The following TRPA1 variants were observed in gnomAD, a reference collection of about 807,000 sequenced individuals.
TRPA1 encodes the protein ankyrin-like with transmembrane domains 1.
A neutral mutation model predicts 131.3 loss-of-function variants in TRPA1; 129 were observed. The observed-to-expected ratio is 0.98, with a 90% CI of 0.85 to 1.14. The LOEUF is 1.14. TRPA1 is among the 50% of genes most tolerant of loss of function. TRPA1 has a pLI of 0.00. For missense variants in TRPA1, 1,304 were observed against 1,354.2 expected, an observed-to-expected ratio of 0.96 and a Z score of 0.58; for synonymous variants, 441 against 451.7, an observed-to-expected ratio of 0.98 and a Z score of 0.30.
chr8:72,072,398 T>C (rs1421154738), intron 1 of TRPA1, among the ~76,000 whole-genome samples: 1 of 152,230 alleles, frequency 6.6e-6, no homozygotes, highest in Non-Finnish European at 1.5e-5. Flanking sequence ...GTTGGAATAA[T>C]AAAACTTAAT....
chr8:72,061,201 A>G (rs1805800497), intron 7 of TRPA1, among the ~76,000 whole-genome samples: 1 of 152,106 alleles, frequency 6.6e-6, no homozygotes, highest in Admixed American at 6.6e-5. Context: ...ATTTATCTAT[A>G]ATTGTTGGTG....
chr8:72,069,340 C>T (rs1806003966), intron 2 of TRPA1, 142 bp from the exon 3 acceptor site: 2 of 812,714 alleles, frequency 2.5e-6, no homozygotes, highest in Non-Finnish European at 4.1e-6. Context: ...AACACAGCTT[C>T]AGTTCTAACG....
chr8:72,055,891 G>A (rs1350854507), intron 10 of TRPA1, 36 bp from the exon 11 acceptor site: 2 of 1,599,200 alleles, frequency 1.3e-6, no homozygotes, highest in South Asian at 2.2e-5. Context: ...AAATAACTCT[G>A]CTATTATGCT....
rs1811440883 is a variant in TRPA1 at position 72,022,762 on chromosome 8, T to G, written c.*144A>C. On this transcript the variant is annotated 3_prime_UTR_variant, in exon 27 of 27. Coordinates refer to ENST00000262209, the MANE Select transcript of TRPA1 (RefSeq NM_007332.3). Reference sequence around the variant, plus strand: ...ATATGAATAGAGGATAAAAGATGGTTTACTTTTATACAGCATGCAGGAACC... The same window carrying G: ...ATATGAATAGAGGATAAAAGATGGTGTACTTTTATACAGCATGCAGGAACC... 17 of 756,224 alleles carry G rather than the reference T, an allele frequency of 2.2e-5. No homozygotes were observed. Among genetic ancestry groups the G allele is most frequent in the South Asian group, 1.1e-4 (7 of 65,424 alleles). 46.8% of individuals were successfully genotyped at this position (756,224 alleles called of 1,614,324 possible). A position where few individuals can be genotyped will look rare whatever the true frequency, so the allele number is the denominator to read the frequency against.
chr8:72,077,290 TGGG>T (rs71265967), upstream of TRPA1, among the ~76,000 whole-genome samples: 22 of 133,040 alleles, frequency 1.7e-4, no homozygotes, highest in South Asian at 7.5e-4. Flanking sequence ...GTGACAGGGG[TGGG>T]GGGGGGGGCA....
At chr8:72,079,477 AACTGCCTTCAAAC>A (rs1461989596), upstream of TRPA1, among the ~76,000 whole-genome samples, 1 of 151,974 alleles carries the variant, frequency 6.6e-6, no homozygotes, top group African/African-American at 2.4e-5. Flanking sequence ...TCCCTCATAG[AACTGCCTTCAAAC>A]CATTGTCAAA....
chr8:72,021,583 A>G lies in TRPA1; in HGVS notation c.*1323T>C, dbSNP rs1396053559. 1 of 152,136 alleles carries G rather than the reference A, an allele frequency of 6.6e-6. No homozygotes were observed. The highest frequency in any genetic ancestry group is 1.9e-4 in the East Asian group (1 of 5,178). The allele number at this position is 152,136 out of a possible 1,614,324, so 9.4% of individuals were successfully genotyped here. ...TAAAAGTGTCTGGTTTTGTAATAGTACATATCGTCCCTCAGCACTCTGCTG... is the reference window on the plus strand; with the variant it reads ...TAAAAGTGTCTGGTTTTGTAATAGTGCATATCGTCCCTCAGCACTCTGCTG... On this transcript the variant is annotated 3_prime_UTR_variant, in exon 27 of 27. Transcript: ENST00000262209.
chr8:72,058,685 T>C (rs1805733539), intron 8 of TRPA1, among the ~76,000 whole-genome samples: 1 of 152,144 alleles, frequency 6.6e-6, no homozygotes, highest in Non-Finnish European at 1.5e-5. Flanking sequence ...ATATAATGCA[T>C]AGTTTATGGC....
Position 72,047,168 on chromosome 8 carries a change from TGTC to T in TRPA1, c.1942_1944del (p.Asp648del). On this transcript the variant is annotated inframe_deletion, in exon 16 of 27. Coordinates refer to ENST00000262209, the MANE Select transcript of TRPA1 (RefSeq NM_007332.3). ...CTTACATAATAGTCTCGGCAGGACT[TGTC>T]TTCTGTGGAATGCAACATGCAGAAA... 6.2e-7 allele frequency: 1 copy of T among 1,610,880 alleles called. No individual in the cohort carries two copies. Among genetic ancestry groups the T allele is most frequent in the Non-Finnish European group, 8.5e-7 (1 of 1,177,818 alleles).
intron 22 of TRPA1, 135 bp from the exon 23 acceptor site, chr8:72,033,961 T>A: frequency 1.2e-6 from 1 of 859,914 alleles, no homozygotes; most frequent in Non-Finnish European, 1.9e-6. Context: ...TGAAATGCAG[T>A]GATAAAATAT....
intron 20 of TRPA1, among the ~76,000 whole-genome samples, chr8:72,036,770 G>A (rs1019497771): frequency 6.6e-6 from 1 of 152,224 alleles, no homozygotes; most frequent in Non-Finnish European, 1.5e-5. Flanking sequence ...GGGACTGCAA[G>A]TTGGTTCAGT....
chr8:72,056,927 T>G lies in TRPA1; in HGVS notation c.1184A>C (p.Glu395Ala), dbSNP rs1231894992. The part of the protein sequence containing the change: ...QPYGLKNLRP[E>A]FMQMQQIKEL... ...ACAGATATACATTACCTGCATAAAT[T>G]CAGGTCGCAGATTTTTTAATCCATA... Residue 395 changes from glutamate to alanine, a missense_variant, in exon 10 of 27, where the codon GAA becomes GCA. Transcript: ENST00000262209. 5.0e-6 allele frequency: 8 copies of G among 1,605,322 alleles called. No homozygotes were observed. Among genetic ancestry groups the G allele is most frequent in the Non-Finnish European group, 6.0e-6 (7 of 1,174,950 alleles).
chr8:72,025,678 G>T (rs1811575705), intron 25 of TRPA1, among the ~76,000 whole-genome samples: 1 of 152,028 alleles, frequency 6.6e-6, no homozygotes. Context: ...ACACTAAAAG[G>T]GTGTGGCTGG....
chr8:72,030,026 T>C (rs971088862), intron 23 of TRPA1, 57 bp from the exon 24 acceptor site: 6 of 1,468,090 alleles, frequency 4.1e-6, no homozygotes, highest in Non-Finnish European at 5.7e-6. Flanking sequence ...TAAAAATGCA[T>C]GTAAGGTCTG....
At chr8:72,027,240 T>G (rs1022202257) in intron 24 of TRPA1, among the ~76,000 whole-genome samples, 15 of 152,148 alleles carry the variant, frequency 9.9e-5, no homozygotes, top group Admixed American at 8.5e-4. Context: ...AAATACATAG[T>G]GTGTCTTACA....
chr8:72,077,518 T>A (rs1205821004), upstream of TRPA1, among the ~76,000 whole-genome samples: 1 of 152,258 alleles, frequency 6.6e-6, no homozygotes, highest in Non-Finnish European at 1.5e-5. Flanking sequence ...ATATTATAGA[T>A]ATGATTTTTT....
At chr8:72,023,671 C>A in intron 26 of TRPA1, 143 bp downstream of exon 26, 1 of 593,904 alleles carries the variant, frequency 1.7e-6, no homozygotes, top group Non-Finnish European at 3.0e-6. Flanking sequence ...TGTCTCATGA[C>A]TCTCAATACA....
Position 72,052,627 on chromosome 8 carries a change from C to T in TRPA1, c.1783G>A (p.Val595Ile), listed in dbSNP as rs1563395277. The change falls in exon 14 of 27, where the codon GTT becomes ATT. Residue 595 changes from valine (V) to isoleucine (I), a missense_variant. Physicochemically the swap from Val to Ile is conservative, Grantham distance 29 (BLOSUM62 3). Coordinates refer to ENST00000262209, the MANE Select transcript of TRPA1 (RefSeq NM_007332.3). ...HLALHNKRKE[V>I]VLTIIRSKRW... Reference sequence around the variant, plus strand: ...TTGCTCCTGATGATCGTAAGAACAACCTCCTTCCTCTTATTGTGAAGTGCA... The same window carrying T: ...TTGCTCCTGATGATCGTAAGAACAATCTCCTTCCTCTTATTGTGAAGTGCA... The T allele has an allele frequency of 6.2e-7, 1 of 1,613,538 alleles. No homozygotes were observed. Among genetic ancestry groups the T allele is most frequent in the Non-Finnish European group, 8.5e-7 (1 of 1,179,728 alleles).
chr8:72,065,657 G>A (rs1212388699), intron 3 of TRPA1, 99 bp from the exon 4 acceptor site: 8 of 844,042 alleles, frequency 9.5e-6, no homozygotes, highest in Middle Eastern at 2.2e-4. Context: ...CAGGGACCAT[G>A]TCTGTTTATC....
Sources: gnomAD v4.1 joint callset for allele counts (sites outside exome capture counted in the v4.1 genomes callset) on GRCh38, gnomAD v4.1.1 for gene constraint, MANE v1.5 for transcripts, NCBI Gene and HGNC (gene_info 2026-07-23, HGNC 2026-07-21) for gene names.